The following ADAMTSL1 variants were observed in gnomAD, a reference collection of about 807,000 sequenced individuals.
ADAMTSL1 encodes the protein ADAMTS like 1.
In ADAMTSL1, 126 loss-of-function variants were observed where a neutral mutation model predicts 201.8. That is an observed-to-expected ratio of 0.62 (90% CI 0.54 to 0.72). ADAMTSL1 has a LOEUF of 0.72. Among genes scored for constraint, ADAMTSL1 ranks in the 30% least tolerant of loss-of-function variants. The pLI is 0.00. For synonymous variants in ADAMTSL1, 1,121 were observed against 903.4 expected, an observed-to-expected ratio of 1.24 and a Z score of -4.32; for missense variants, 2,679 against 2,277.8, an observed-to-expected ratio of 1.18 and a Z score of -3.59.
At chr9:18,448,244 GT>G (rs1820272759) in intron 2 of ADAMTSL1, among the ~76,000 whole-genome samples, 1 of 152,144 alleles carries the variant, frequency 6.6e-6, no homozygotes. Context: ...GGAGAAAGAA[GT>G]TTGGCATGGA....
At chr9:18,562,469 C>G (rs978033056) in intron 3 of ADAMTSL1, among the ~76,000 whole-genome samples, 2 of 152,088 alleles carry the variant, frequency 1.3e-5, no homozygotes, top group African/African-American at 4.8e-5. Flanking sequence ...TCATTTCAAC[C>G]TTGCCGAATA....
chr9:18,511,660 A>G (rs1257627120), intron 2 of ADAMTSL1, among the ~76,000 whole-genome samples: 1 of 152,198 alleles, frequency 6.6e-6, no homozygotes, highest in East Asian at 1.9e-4. Flanking sequence ...GTCTCATTTC[A>G]TAATAATTGT....
chr9:18,196,510 A>G (rs536945763), intron 2 of ADAMTSL1, among the ~76,000 whole-genome samples: 140 of 152,192 alleles, frequency 9.2e-4, no homozygotes, highest in African/African-American at 3.1e-3. Context: ...GGGAAAAACT[A>G]CCTGGTACGG....
At chr9:18,203,283 G>A (rs968189344) in intron 2 of ADAMTSL1, among the ~76,000 whole-genome samples, 9 of 152,168 alleles carry the variant, frequency 5.9e-5, no homozygotes, top group Non-Finnish European at 1.2e-4. Flanking sequence ...ACCGGCTGAC[G>A]CTTCTGCCCA....
intron 20 of ADAMTSL1, among the ~76,000 whole-genome samples, chr9:18,814,935 G>A (rs562042139): frequency 6.6e-6 from 1 of 152,110 alleles, no homozygotes; most frequent in East Asian, 1.9e-4. Flanking sequence ...ACATACAAAT[G>A]GCCAACAGGC....
At chr9:18,364,666 C>T (rs1320368110) in intron 2 of ADAMTSL1, among the ~76,000 whole-genome samples, 2 of 152,116 alleles carry the variant, frequency 1.3e-5, no homozygotes, top group African/African-American at 4.8e-5. Context: ...AAAGAAATAC[C>T]TGTGACTGGG....
At chr9:17,918,018 G>A (rs1826167492) in intron 1 of ADAMTSL1, among the ~76,000 whole-genome samples, 1 of 151,752 alleles carries the variant, frequency 6.6e-6, no homozygotes, top group Non-Finnish European at 1.5e-5. Flanking sequence ...TATATTACCT[G>A]TATCATTCAT....
rs1266291185 is a variant in ADAMTSL1, at chr9:18,606,089, G to C, written c.475-16154G>C. On this transcript the variant is annotated intron_variant, in intron 4 of 28. Transcript: ENST00000380548. ...GGTCTCTGCAGGGTTAGGCCGCCCA[G>C]ATGCGAGCTGTTTGGGCTGAGTTCA... 2.0e-5 allele frequency among the ~76,000 whole-genome samples: 3 copies of C among 152,148 alleles called. No homozygotes were observed. In the East Asian group the frequency reaches 5.8e-4, roughly 29 times the overall value.
At chr9:18,811,690 C>G (rs1485932863) in intron 20 of ADAMTSL1, among the ~76,000 whole-genome samples, 1 of 152,178 alleles carries the variant, frequency 6.6e-6, no homozygotes, top group African/African-American at 2.4e-5. Flanking sequence ...TCAATTGAAA[C>G]CTAGACATCA....
At chr9:18,558,422 G>C (rs1186226918) in intron 3 of ADAMTSL1, among the ~76,000 whole-genome samples, 1 of 152,072 alleles carries the variant, frequency 6.6e-6, no homozygotes, top group East Asian at 1.9e-4. Context: ...ATGGGCATTT[G>C]GGTTGGTTCC....
At position 18,034,797 on chromosome 9, in the gene ADAMTSL1, A is replaced by G. The variant is rs192383220; in HGVS notation, c.87+127875A>G. ...TTCTATTTTTCTCCATTTTTGACAC[A>G]CTTGGAACATCCTAAAAAACTTTTA... On this transcript the variant is annotated intron_variant, in intron 1 of 29. Coordinates refer to the ADAMTSL1 transcript ENST00000680146. Among the ~76,000 whole-genome samples, 163 of 152,318 alleles carry G rather than the reference A, an allele frequency of 1.1e-3. 1 individual carries two copies. The highest frequency in any genetic ancestry group is 3.9e-3 in the African/African-American group (162 of 41,578).
intron 1 of ADAMTSL1, among the ~76,000 whole-genome samples, chr9:18,072,658 A>C (rs887475908): frequency 1.3e-5 from 2 of 152,222 alleles, no homozygotes; most frequent in African/African-American, 4.8e-5. Context: ...CAGAGACAAC[A>C]TTGTTCAGAC....
chr9:17,983,474 T>G (rs1256208569), intron 1 of ADAMTSL1, among the ~76,000 whole-genome samples: 1 of 152,168 alleles, frequency 6.6e-6, no homozygotes, highest in African/African-American at 2.4e-5. Flanking sequence ...TAGCATTTAG[T>G]GTCAAAATAA....
At chr9:18,255,197 C>G (rs1831633747) in intron 2 of ADAMTSL1, among the ~76,000 whole-genome samples, 1 of 152,124 alleles carries the variant, frequency 6.6e-6, no homozygotes, top group Admixed American at 6.6e-5. Context: ...GGGATGAAAG[C>G]TGAAGGGTCC....
chr9:18,120,454 G>C (rs985491055), intron 1 of ADAMTSL1, among the ~76,000 whole-genome samples: 2 of 152,072 alleles, frequency 1.3e-5, no homozygotes, highest in South Asian at 4.1e-4. Context: ...AGGAATTGTT[G>C]GGGGGGACCC....
intron 1 of ADAMTSL1, among the ~76,000 whole-genome samples, chr9:17,933,625 A>C (rs1048930563): frequency 6.6e-6 from 1 of 152,192 alleles, no homozygotes; most frequent in African/African-American, 2.4e-5. Flanking sequence ...AACTATAGGA[A>C]GCATGGCTGG....
chr9:18,268,529 A>C (rs1193466583), intron 2 of ADAMTSL1, among the ~76,000 whole-genome samples: 2 of 152,168 alleles, frequency 1.3e-5, no homozygotes, highest in African/African-American at 4.8e-5. Flanking sequence ...CACATGTGTG[A>C]AGCATTCCCA....
chr9:18,555,481 A>T (rs535162595), intron 3 of ADAMTSL1, among the ~76,000 whole-genome samples: 4 of 152,014 alleles, frequency 2.6e-5, no homozygotes, highest in Admixed American at 6.6e-5. Context: ...TGCAACTGGA[A>T]GGTCCTTAAT....
chr9:18,528,301 G>C (rs2132076609), intron 2 of ADAMTSL1, among the ~76,000 whole-genome samples: 1 of 152,154 alleles, frequency 6.6e-6, no homozygotes, highest in South Asian at 2.1e-4. Context: ...CATCACCTAG[G>C]TATTGAGCCC....
Sources: gnomAD v4.1 joint callset for allele counts (sites outside exome capture counted in the v4.1 genomes callset) on GRCh38, gnomAD v4.1.1 for gene constraint, MANE v1.5 for transcripts, NCBI Gene and HGNC (gene_info 2026-07-23, HGNC 2026-07-21) for gene names.